Variants in GABRB1 observed in about 807,000 individuals in gnomAD.
The protein encoded by GABRB1 is gamma-aminobutyric acid receptor subunit beta-1.
Under a neutral mutation model 51.6 loss-of-function variants are expected in GABRB1, and 17 were observed. That is an observed-to-expected ratio of 0.33 (90% CI 0.23 to 0.49). GABRB1 has a LOEUF of 0.49. Among genes scored for constraint, GABRB1 ranks in the 20% least tolerant of loss-of-function variants. The pLI, the probability that GABRB1 is intolerant of heterozygous loss-of-function variation, is 0.99. For missense variants in GABRB1, 410 were observed against 600.6 expected (o/e 0.68, Z 3.32); for synonymous variants, 247 against 218.9 (o/e 1.13, Z -1.14).
chr4:47,330,360 T>A (rs940693456), intron 5 of GABRB1, among the ~76,000 whole-genome samples: 1 of 152,194 alleles, frequency 6.6e-6, no homozygotes, highest in African/African-American at 2.4e-5. Context: ...CCAGCACATC[T>A]AGAAATGCTA....
intron 4 of GABRB1, among the ~76,000 whole-genome samples, chr4:47,237,366 A>G (rs1721366326): frequency 6.6e-6 from 1 of 152,044 alleles, no homozygotes; most frequent in African/African-American, 2.4e-5. Context: ...TATGTTTCAT[A>G]TTCTCTAGGA....
At chr4:47,119,401 A>G (rs183351823) in intron 3 of GABRB1, among the ~76,000 whole-genome samples, 2 of 152,276 alleles carry the variant, frequency 1.3e-5, no homozygotes, top group East Asian at 3.9e-4. Context: ...ACATATAATA[A>G]AAGTTTATTA....
intron 4 of GABRB1, among the ~76,000 whole-genome samples, chr4:47,223,507 A>T (rs1463721942): frequency 3.3e-5 from 5 of 152,140 alleles, no homozygotes; most frequent in Non-Finnish European, 7.4e-5. Context: ...TGGGCTTTTT[A>T]AATTCTTTTA....
At chr4:47,002,380 G>A (rs970619366) in intron 1 of GABRB1, among the ~76,000 whole-genome samples, 1 of 152,054 alleles carries the variant, frequency 6.6e-6, no homozygotes, top group Non-Finnish European at 1.5e-5. Context: ...ATTTGCATTG[G>A]ATATTTTAAT....
intron 8 of GABRB1, among the ~76,000 whole-genome samples, chr4:47,415,284 C>T (rs562229885): frequency 6.6e-6 from 1 of 152,332 alleles, no homozygotes; most frequent in Admixed American, 6.5e-5. Flanking sequence ...CCTAGTTTCA[C>T]ATGTGCTGTT....
Position 47,339,857 on chromosome 4 carries a change from C to A in GABRB1, c.544+19648C>A, listed in dbSNP as rs929205272. Among the ~76,000 whole-genome samples the A allele has an allele frequency of 2.6e-4, 32 of 120,828 alleles. 1 individual carries two copies. The highest frequency in any genetic ancestry group is 4.6e-4 in the Admixed American group (6 of 13,006). 79.3% of individuals were successfully genotyped at this position (120,828 alleles called of 152,430 possible). On this transcript the variant is annotated intron_variant, in intron 5 of 8. Coordinates refer to ENST00000295454, the MANE Select transcript of GABRB1 (RefSeq NM_000812.4). The stretch of plus-strand genomic sequence containing the variant: ...CACACACACACACACACACACACAC[C>A]CCACTTTGGGAAACTTAATTAACTT...
chr4:47,213,894 G>A (rs184781285), intron 4 of GABRB1, among the ~76,000 whole-genome samples: 13 of 150,870 alleles, frequency 8.6e-5, no homozygotes, highest in South Asian at 4.2e-4. Context: ...TATATTATGC[G>A]CTTTAGGGTA....
intron 4 of GABRB1, among the ~76,000 whole-genome samples, chr4:47,311,993 C>T (rs943629044): frequency 6.6e-6 from 1 of 151,794 alleles, no homozygotes; most frequent in Non-Finnish European, 1.5e-5. Flanking sequence ...AGTTCAGCCC[C>T]TTCCCAGTAT....
intron 5 of GABRB1, among the ~76,000 whole-genome samples, chr4:47,355,894 C>G (rs1413407706): frequency 6.6e-6 from 1 of 152,148 alleles, no homozygotes; most frequent in Non-Finnish European, 1.5e-5. Flanking sequence ...CTAGATATAT[C>G]ATCTTAAGCC....
chr4:47,287,579 C>G (rs1298132179), intron 4 of GABRB1, among the ~76,000 whole-genome samples: 2 of 152,164 alleles, frequency 1.3e-5, no homozygotes, highest in Non-Finnish European at 2.9e-5. Context: ...TTGTGTTAGA[C>G]AGCATCTAAA....
intron 5 of GABRB1, among the ~76,000 whole-genome samples, chr4:47,380,877 T>G (rs933888895): frequency 6.6e-6 from 1 of 152,332 alleles, no homozygotes; most frequent in East Asian, 1.9e-4. Flanking sequence ...AAATTCATTC[T>G]TTGGTTTTTA....
In GABRB1 at chr4:47,110,812, A is replaced by G. The variant is rs1162353277; in HGVS notation, c.241-50437A>G. 2.6e-5 allele frequency among the ~76,000 whole-genome samples: 4 copies of G among 152,202 alleles called. No homozygotes were observed. The South Asian group carries it at 6.2e-4, about 24-fold the overall frequency. On this transcript the variant is annotated intron_variant, in intron 3 of 8. Coordinates refer to ENST00000295454, the MANE Select transcript of GABRB1 (RefSeq NM_000812.4). ...AGCAACATTAATTCCTTATTTAGAG[A>G]AGTGATTACCAAAATGTGAAAGTAT...
intron 4 of GABRB1, among the ~76,000 whole-genome samples, chr4:47,190,461 T>G (rs2109782442): frequency 6.6e-6 from 1 of 152,140 alleles, no homozygotes; most frequent in East Asian, 1.9e-4. Flanking sequence ...TGCACATTAT[T>G]TTATTGATCC....
intron 4 of GABRB1, among the ~76,000 whole-genome samples, chr4:47,254,884 T>C (rs1338230900): frequency 6.6e-6 from 1 of 152,184 alleles, no homozygotes; most frequent in African/African-American, 2.4e-5. Context: ...ACTTCACATG[T>C]AGTCAGTTTT....
intron 7 of GABRB1, among the ~76,000 whole-genome samples, 191 bp downstream of exon 7, chr4:47,403,902 G>A (rs981410450): frequency 2.0e-5 from 3 of 152,086 alleles, no homozygotes; most frequent in South Asian, 2.1e-4. Context: ...TGTCTTTTTA[G>A]CATTTTACCA....
intron 4 of GABRB1, among the ~76,000 whole-genome samples, chr4:47,253,782 C>G (rs1460214262): frequency 6.6e-6 from 1 of 152,090 alleles, no homozygotes; most frequent in African/African-American, 2.4e-5. Context: ...TTGAAGCTCA[C>G]TTTTTAGGGC....
intron 1 of GABRB1, among the ~76,000 whole-genome samples, chr4:47,025,123 C>G (rs1268278104): frequency 6.7e-6 from 1 of 150,186 alleles, no homozygotes; most frequent in Non-Finnish European, 1.5e-5. Flanking sequence ...ATGTATCTCA[C>G]AATTTTTTTA....
chr4:47,330,315 C>T (rs1725432440), intron 5 of GABRB1, among the ~76,000 whole-genome samples: 1 of 152,160 alleles, frequency 6.6e-6, no homozygotes, highest in Non-Finnish European at 1.5e-5. Flanking sequence ...CTACTGGACA[C>T]CTCGTGATCC....
At chr4:47,256,559 A>G (rs560407405) in intron 4 of GABRB1, among the ~76,000 whole-genome samples, 2 of 152,342 alleles carry the variant, frequency 1.3e-5, no homozygotes, top group African/African-American at 4.8e-5. Flanking sequence ...TATAAAGAAA[A>G]AAGGTTTAAT....
Sources: gnomAD v4.1 joint callset for allele counts (sites outside exome capture counted in the v4.1 genomes callset) on GRCh38, gnomAD v4.1.1 for gene constraint, MANE v1.5 for transcripts, NCBI Gene and HGNC (gene_info 2026-07-23, HGNC 2026-07-21) for gene names.